KCNIP1: variants seen among roughly 807,000 people sequenced by gnomAD.
KCNIP1 encodes potassium voltage-gated channel interacting protein 1.
KCNIP1 carries 18 observed loss-of-function variants against 33.0 expected under a neutral mutation model. The ratio of observed to expected loss-of-function variants is 0.55; its 90% CI spans 0.38 to 0.81. The LOEUF (loss-of-function observed/expected upper bound fraction) is 0.81. KCNIP1 is among the 30% of genes least tolerant of loss of function. The pLI is 0.00. For missense variants in KCNIP1, 238 were observed against 271.6 expected, an observed-to-expected ratio of 0.88 and a Z score of 0.87; for synonymous variants, 93 against 98.3, an observed-to-expected ratio of 0.95 and a Z score of 0.32.
At chr5:170,664,479 C>A (rs1389685961) in intron 1 of KCNIP1, among the ~76,000 whole-genome samples, 3 of 152,070 alleles carry the variant, frequency 2.0e-5, no homozygotes, top group Admixed American at 6.5e-5. Flanking sequence ...CGTTTCTGTA[C>A]CCTCAGTATT....
intron 1 of KCNIP1, among the ~76,000 whole-genome samples, chr5:170,366,441 G>T (rs965824890): frequency 2.6e-5 from 4 of 152,238 alleles, no homozygotes; most frequent in African/African-American, 9.6e-5. Flanking sequence ...GCAAGCTCTG[G>T]CACTACCTTT....
chr5:170,373,428 A>T (rs1215874626), intron 1 of KCNIP1, among the ~76,000 whole-genome samples: 1 of 152,192 alleles, frequency 6.6e-6, no homozygotes, highest in Non-Finnish European at 1.5e-5. Context: ...GGACCCTTTT[A>T]CATGCTTAAA....
chr5:170,619,734 A>C (rs751785267), intron 1 of KCNIP1, among the ~76,000 whole-genome samples: 4 of 152,198 alleles, frequency 2.6e-5, no homozygotes, highest in Admixed American at 6.5e-5. Flanking sequence ...ATGGGACCTT[A>C]ATAAACTTCT....
rs536991972 is a variant in KCNIP1, at chr5:170,360,925, T to C, written c.88+6961T>C. On this transcript the variant is annotated intron_variant, in intron 1 of 7. Coordinates refer to the KCNIP1 transcript ENST00000377360. ...TTCCCTTTTTGAGGTCTGGTCTTAGTCAGGCTTGCTCTGGAGCCTACCACT... is the reference window on the plus strand; with the variant it reads ...TTCCCTTTTTGAGGTCTGGTCTTAGCCAGGCTTGCTCTGGAGCCTACCACT... Among the ~76,000 whole-genome samples, 3 of 152,350 alleles carry C rather than the reference T, an allele frequency of 2.0e-5. No individual in the cohort carries two copies. The South Asian group carries it at 6.2e-4, about 32-fold the overall frequency.
At chr5:170,688,342 G>T (rs1762611424) in intron 1 of KCNIP1, among the ~76,000 whole-genome samples, 1 of 152,212 alleles carries the variant, frequency 6.6e-6, no homozygotes, top group South Asian at 2.1e-4. Context: ...TCACTAATCA[G>T]AATGAAAGAT....
intron 1 of KCNIP1, among the ~76,000 whole-genome samples, chr5:170,440,345 A>T (rs902245101): frequency 1.3e-5 from 2 of 152,224 alleles, no homozygotes; most frequent in African/African-American, 4.8e-5. Context: ...AAGTGTGATA[A>T]GGCCATTTAA....
rs753162868 is a variant in KCNIP1, at chr5:170,720,311, C to A, written c.187-10C>A. 3.1e-6 allele frequency: 5 copies of A among 1,612,184 alleles called. No homozygotes were observed. Among genetic ancestry groups the A allele is most frequent in the Non-Finnish European group, 4.2e-6 (5 of 1,178,292 alleles). On this transcript the variant is annotated splice_polypyrimidine_tract_variant and intron_variant, in intron 2 of 7. Coordinates refer to ENST00000328939, the MANE Select transcript of KCNIP1 (RefSeq NM_014592.4). The stretch of plus-strand genomic sequence containing the variant: ...AAATGCCTCCCGCTGACTCTCTCCC[C>A]TTCCCACAGGAGTGCCCCAGTGGTG...
chr5:170,690,191 T>G (rs1045683191), intron 1 of KCNIP1, among the ~76,000 whole-genome samples: 1 of 152,278 alleles, frequency 6.6e-6, no homozygotes, highest in Admixed American at 6.5e-5. Context: ...TCTCCAAAGC[T>G]TCCTCACACC....
Position 170,736,465 on chromosome 5 carries a change from T to C in KCNIP1, c.*659T>C, listed in dbSNP as rs1177200688. Reference sequence around the variant, plus strand: ...ATTTGTGCTGGTAGTACAAGTCCTTTAATATGTCCAGGAAGGGAGCCATTG... The same window carrying C: ...ATTTGTGCTGGTAGTACAAGTCCTTCAATATGTCCAGGAAGGGAGCCATTG... On this transcript the variant is annotated 3_prime_UTR_variant, in exon 8 of 8. Transcript: ENST00000328939. 1.3e-5 allele frequency: 2 copies of C among 152,730 alleles called. No homozygotes were observed. The highest frequency in any genetic ancestry group is 3.9e-4 in the East Asian group (2 of 5,186). 9.5% of individuals were successfully genotyped at this position (152,730 alleles called of 1,614,324 possible).
chr5:170,524,963 G>T (rs1755514362), intron 1 of KCNIP1, among the ~76,000 whole-genome samples: 1 of 152,212 alleles, frequency 6.6e-6, no homozygotes, highest in South Asian at 2.1e-4. Flanking sequence ...AGAAAAGTGT[G>T]CAACTCAGCT....
intron 1 of KCNIP1, among the ~76,000 whole-genome samples, chr5:170,448,250 T>C (rs982081397): frequency 1.3e-5 from 2 of 152,246 alleles, no homozygotes; most frequent in African/African-American, 4.8e-5. Flanking sequence ...CCTGGCAGCA[T>C]GGAGCAGCTT....
chr5:170,709,567 A>G (rs1029269669), intron 1 of KCNIP1, among the ~76,000 whole-genome samples: 2 of 152,144 alleles, frequency 1.3e-5, no homozygotes, highest in African/African-American at 4.8e-5. Flanking sequence ...TTTGGTTTAT[A>G]TCTGATGATT....
chr5:170,724,119 C>T (rs144268027), intron 5 of KCNIP1, among the ~76,000 whole-genome samples: 3 of 152,296 alleles, frequency 2.0e-5, no homozygotes, highest in African/African-American at 7.2e-5. Flanking sequence ...GAAAATCTGA[C>T]TAGCTCTGTA....
chr5:170,381,780 A>T (rs967167698), intron 1 of KCNIP1, among the ~76,000 whole-genome samples: 3 of 151,684 alleles, frequency 2.0e-5, no homozygotes, highest in Non-Finnish European at 4.4e-5. Context: ...GGCCCATATC[A>T]CTCCCGGAGA....
chr5:170,625,639 G>A (rs906626680), intron 1 of KCNIP1, among the ~76,000 whole-genome samples: 11 of 152,030 alleles, frequency 7.2e-5, no homozygotes, highest in Admixed American at 5.9e-4. Context: ...ACTTTCCCTC[G>A]GCTAGTCTTA....
chr5:170,402,878 A>T (rs1171401879), intron 1 of KCNIP1, among the ~76,000 whole-genome samples: 1 of 152,182 alleles, frequency 6.6e-6, no homozygotes, highest in Non-Finnish European at 1.5e-5. Context: ...CTCATTTTTC[A>T]GAAGAGAACT....
At chr5:170,432,075 G>A (rs971150297) in intron 1 of KCNIP1, among the ~76,000 whole-genome samples, 3 of 149,872 alleles carry the variant, frequency 2.0e-5, no homozygotes, top group Admixed American at 6.6e-5. Flanking sequence ...TCTTACAGCT[G>A]AGGTTTTCAT....
intron 1 of KCNIP1, among the ~76,000 whole-genome samples, chr5:170,626,892 AGAAG>A (rs1759851128): frequency 1.7e-5 from 1 of 57,572 alleles, no homozygotes; most frequent in Non-Finnish European, 3.4e-5. Flanking sequence ...CAAGAAGCCC[AGAAG>A]GCCAGATGCT....
chr5:170,653,652 C>T (rs963544665), intron 1 of KCNIP1, among the ~76,000 whole-genome samples: 5 of 151,958 alleles, frequency 3.3e-5, no homozygotes, highest in Admixed American at 2.0e-4. Flanking sequence ...GGGCCTGGAG[C>T]GGCACAGCAT....
Sources: allele counts gnomAD v4.1 joint callset (sites outside exome capture counted in the v4.1 genomes callset), GRCh38; gene constraint gnomAD v4.1.1; transcripts MANE v1.5; gene names NCBI Gene and HGNC (gene_info 2026-07-23, HGNC 2026-07-21).